The following USF1 variants were observed in gnomAD, a reference collection of about 807,000 sequenced individuals.
USF1 encodes upstream stimulatory factor 1.
In USF1, 22 loss-of-function variants were observed where a neutral mutation model predicts 46.3. The ratio of observed to expected loss-of-function variants is 0.47; its 90% CI spans 0.34 to 0.68. The LOEUF (loss-of-function observed/expected upper bound fraction) is 0.68, where lower values mean the gene tolerates loss of function less well. Ranked by LOEUF, USF1 falls within the 30% of genes least tolerant of loss-of-function variation. The pLI, the probability that USF1 is intolerant of heterozygous loss-of-function variation, is 0.01. For synonymous variants in USF1, 150 were observed against 147.0 expected (o/e 1.02, Z -0.15); for missense variants, 287 against 399.3 (o/e 0.72, Z 2.40).
At chr1:161,043,146 G>A (rs1650643618) in intron 2 of USF1, 122 bp downstream of exon 2, 1 of 1,545,910 alleles carries the variant, frequency 6.5e-7, no homozygotes, top group African/African-American at 1.4e-5. Context: ...AAATCACACA[G>A]TAAGTGATAG....
rs768860571 is a variant in USF1 at position 161,042,193 on chromosome 1, A to G, written c.199T>C (p.Ser67Pro). The change falls in exon 5 of 11, where the codon TCT becomes CCT. Residue 67 changes from serine to proline, a missense_variant. Physicochemically the swap from Ser to Pro is moderately conservative, Grantham distance 74. Transcript: ENST00000368021. ...GQVMYRVIQV[S>P]EGQLDGQTEG... Reference sequence around the variant, plus strand: ...GTTTGGCCATCCAGCTGCCCCTCAGACACCTGGATCACCCTGTACATCACC... The same window carrying G: ...GTTTGGCCATCCAGCTGCCCCTCAGGCACCTGGATCACCCTGTACATCACC... 39 of 1,613,958 alleles carry G rather than the reference A, an allele frequency of 2.4e-5. No homozygotes were observed. The highest frequency in any genetic ancestry group is 3.3e-5 in the Non-Finnish European group (39 of 1,179,954).
Position 161,039,967 on chromosome 1 carries a change from A to G in USF1, c.886T>C (p.Leu296=), listed in dbSNP as rs1298234769. ...KNKNLLLRAQ[L]RHHGLEVVIK... is the part of the protein sequence containing the mutation. ...ACGACCTCTAATCCGTGGTGCCGCA[A>G]CTGAGCTCGAAGCAGCAGATTCTTG... Residue 296 remains leucine, a synonymous_variant, in exon 11 of 11, where the codon TTG becomes CTG. Transcript: ENST00000368021. The G allele has an allele frequency of 3.7e-6, 6 of 1,614,080 alleles. No individual in the cohort carries two copies. The highest frequency in any genetic ancestry group is 5.1e-6 in the Non-Finnish European group (6 of 1,180,048).
intron 4 of USF1, 112 bp downstream of exon 4, chr1:161,042,443 A>G (rs1337192496): frequency 8.1e-7 from 1 of 1,228,690 alleles, no homozygotes. Flanking sequence ...CCCCTGCAAC[A>G]GTCCACTCTT....
At chr1:161,044,687 G>A (rs1218392720) in intron 1 of USF1, among the ~76,000 whole-genome samples, 3 of 109,746 alleles carry the variant, frequency 2.7e-5, no homozygotes, top group African/African-American at 5.4e-5. Context: ...GCAAGAAGGG[G>A]TAAAAAAAAA....
intron 4 of USF1, 111 bp from the exon 5 acceptor site, chr1:161,042,328 C>T (rs1650601828): frequency 2.5e-6 from 3 of 1,176,874 alleles, no homozygotes; most frequent in Non-Finnish European, 2.4e-6. Flanking sequence ...AAAACAAAGT[C>T]CTTCAGAGAC....
At chr1:161,043,942 T>TC (rs1650688855) in intron 1 of USF1, among the ~76,000 whole-genome samples, 1 of 108,880 alleles carries the variant, frequency 9.2e-6, no homozygotes, top group Non-Finnish European at 1.8e-5. Context: ...CACATTTCTT[T>TC]CTTTTTTTTT....
intron 2 of USF1, 76 bp from the exon 3 acceptor site, chr1:161,042,958 G>C (rs765010721): frequency 6.3e-7 from 1 of 1,592,848 alleles, no homozygotes; most frequent in Admixed American, 1.7e-5. Flanking sequence ...GTAACATATG[G>C]CTGCAAACTC....
chr1:161,042,794 T>C (rs1340790077), intron 3 of USF1, 39 bp downstream of exon 3: 1 of 1,614,050 alleles, frequency 6.2e-7, no homozygotes, highest in Non-Finnish European at 8.5e-7. Flanking sequence ...AGGGAGGCCA[T>C]GATGGGTTCT....
chr1:161,043,158 G>A (rs2102014660), intron 2 of USF1, 110 bp downstream of exon 2: 1 of 1,581,684 alleles, frequency 6.3e-7, no homozygotes, highest in Non-Finnish European at 8.7e-7. Context: ...AAGTGATAGA[G>A]TAGAACCTGA....
In USF1 at chr1:161,040,756, A is replaced by T. The variant is rs1650517326; in HGVS notation, c.619+58T>A. ...AAATTACCTAATCCCTCCTCCCCTC[A>T]GACATCACTGCTGAGATCACACCAG... On this transcript the variant is annotated intron_variant, in intron 8 of 10. Coordinates refer to ENST00000368021, the MANE Select transcript of USF1 (RefSeq NM_007122.5). This position sits in a 1 kb window ranked among gnomAD's most constrained non-coding sequence, Gnocchi z 4.0. The T allele has an allele frequency of 1.1e-5, 17 of 1,613,686 alleles. No homozygotes were observed. Among genetic ancestry groups the T allele is most frequent in the Non-Finnish European group, 1.4e-5 (17 of 1,179,834 alleles).
rs138288820 is a variant in USF1, at chr1:161,040,633, G to A, written c.657C>T (p.Ile219=). 1.9e-4 allele frequency: 307 copies of A among 1,612,132 alleles called. No homozygotes were observed. The highest frequency in any genetic ancestry group is 2.2e-4 in the Non-Finnish European group (258 of 1,179,844). The part of the protein sequence containing the change: ...RRRRDKINNW[I]VQLSKIIPDC... ...CTGGGATTATCTTGGAGAGCTGCAC[G>A]ATCCAGTTGTTGATCTTGTCTCGGC... is the stretch of plus-strand genomic sequence containing the variant. Residue 219 remains isoleucine, a synonymous_variant, in exon 9 of 11, where the codon ATC becomes ATT. Coordinates refer to ENST00000368021, the MANE Select transcript of USF1 (RefSeq NM_007122.5). The surrounding 1 kb of genome is among the most constrained non-coding windows in gnomAD (Gnocchi z 4.0).
intron 1 of USF1, among the ~76,000 whole-genome samples, chr1:161,045,608 G>A (rs1571055035): frequency 6.6e-6 from 1 of 152,196 alleles, no homozygotes; most frequent in East Asian, 1.9e-4. Context: ...GAGCTCAAGC[G>A]CCCGGTGCCG....
chr1:161,041,329 A>G lies in USF1; in HGVS notation c.555T>C (p.Tyr185=). The G allele has an allele frequency of 6.2e-7, 1 of 1,612,234 alleles. No homozygotes were observed. Among genetic ancestry groups the G allele is most frequent in the Non-Finnish European group, 8.5e-7 (1 of 1,178,846 alleles). Residue 185 remains tyrosine, a synonymous_variant, in exon 7 of 11, where the codon TAT becomes TAC. Coordinates refer to ENST00000368021, the MANE Select transcript of USF1 (RefSeq NM_007122.5). ...QRSIAPRTHP[Y]SPKSEAPRTT... is the part of the protein sequence containing the mutation. ...AAGAAACAAGGGTCACTCACGGGGA[A>G]TAAGGGTGAGTCCTAGGGGCAATTG... is the stretch of plus-strand genomic sequence containing the variant.
rs199606185 is a variant in USF1 at position 161,042,642 on chromosome 1, G to A, written c.87C>T (p.Thr29=). 6.2e-7 allele frequency: 1 copy of A among 1,614,214 alleles called. No homozygotes were observed. The highest frequency in any genetic ancestry group is 8.5e-7 in the Non-Finnish European group (1 of 1,180,048). Reference sequence around the variant, plus strand: ...ACTGGATGCTGGCAATAGCCACACTGGTTGGGTCTTCCCCAGTAGCCACTG... The same window carrying A: ...ACTGGATGCTGGCAATAGCCACACTAGTTGGGTCTTCCCCAGTAGCCACTG... The part of the protein sequence containing the change: ...EGAVATGEDP[T]SVAIASIQSA... Residue 29 remains threonine (T), a synonymous_variant, in exon 4 of 11, where the codon ACC becomes ACT. Coordinates refer to ENST00000368021, the MANE Select transcript of USF1 (RefSeq NM_007122.5).
chr1:161,042,742 GGAA>G (rs1650623661), intron 3 of USF1, 72 bp from the exon 4 acceptor site: 2 of 1,610,398 alleles, frequency 1.2e-6, no homozygotes, highest in Admixed American at 3.3e-5. Context: ...TGCATGTCAC[GGAA>G]GGAGGAGGAT....
intron 1 of USF1, among the ~76,000 whole-genome samples, chr1:161,044,354 C>T (rs1213379089): frequency 2.5e-4 from 38 of 152,214 alleles, no homozygotes; most frequent in Admixed American, 2.5e-3. Flanking sequence ...AATACAGTGT[C>T]ATGGACACTG....
chr1:161,043,016 G>C, intron 2 of USF1, 134 bp from the exon 3 acceptor site: 1 of 1,295,318 alleles, frequency 7.7e-7, no homozygotes, highest in South Asian at 1.2e-5. Context: ...AACAACTAGT[G>C]TTTACTGTTT....
Position 161,039,640 on chromosome 1 carries a change from A to T in USF1, c.*280T>A. 1 of 452,250 alleles carries T rather than the reference A, an allele frequency of 2.2e-6. No homozygotes were observed. The highest frequency in any genetic ancestry group is 4.1e-6 in the Non-Finnish European group (1 of 246,206). The allele number at this position is 452,250 out of a possible 1,614,324, so 28.0% of individuals were successfully genotyped here. ...ACAAGCCCCAGAGTTTAGTGTGTCC[A>T]GTATCCAGCATGGAGACAGCACATG... is the stretch of plus-strand genomic sequence containing the variant. On this transcript the variant is annotated 3_prime_UTR_variant, in exon 11 of 11. Coordinates refer to ENST00000368021, the MANE Select transcript of USF1 (RefSeq NM_007122.5).
rs752077270 is a variant in USF1, at chr1:161,041,701, G to T, written c.422C>A (p.Thr141Asn). Residue 141 changes from threonine to asparagine, a missense_variant, in exon 6 of 11, where the codon ACT becomes AAT. Physicochemically the swap from Thr to Asn is moderately conservative, Grantham distance 65. Coordinates refer to ENST00000368021, the MANE Select transcript of USF1 (RefSeq NM_007122.5). ...CAGCAGTGCCTCTGAGCCCTGGGTA[G>T]TAACAACAGCAGCTGTACTCCCCGA... is the stretch of plus-strand genomic sequence containing the variant. ...TTSGSTAAVVTTQGSEALLGQ... is the reference protein window; with the variant it reads ...TTSGSTAAVVNTQGSEALLGQ... 2.5e-6 allele frequency: 4 copies of T among 1,613,896 alleles called. No individual in the cohort carries two copies. The highest frequency in any genetic ancestry group is 2.2e-5 in the East Asian group (1 of 44,872).
Sources: gnomAD v4.1 joint callset for allele counts (sites outside exome capture counted in the v4.1 genomes callset) on GRCh38, gnomAD v4.1.1 for gene constraint, Gnocchi (gnomAD v3.1) non-coding constraint, MANE v1.5 for transcripts, NCBI Gene and HGNC (gene_info 2026-07-23, HGNC 2026-07-21) for gene names.